Variants in ZNF699 observed in about 807,000 individuals in gnomAD.
The protein encoded by ZNF699 is zinc finger protein 699.
Under a neutral mutation model 22.5 loss-of-function variants are expected in ZNF699, and 18 were observed. The ratio of observed to expected loss-of-function variants is 0.80; its 90% CI spans 0.55 to 1.19. The LOEUF (loss-of-function observed/expected upper bound fraction) is 1.19. Among genes scored for constraint, ZNF699 ranks in the 50% most tolerant of loss-of-function variants. The pLI is 0.00. For synonymous variants in ZNF699, 241 were observed against 262.3 expected, an observed-to-expected ratio of 0.92 and a Z score of 0.78; for missense variants, 670 against 763.4, an observed-to-expected ratio of 0.88 and a Z score of 1.44.
chr19:9,302,314 A>C (rs1028118125), intron 3 of ZNF699, 64 bp downstream of exon 3: 1 of 1,589,994 alleles, frequency 6.3e-7, no homozygotes, highest in Non-Finnish European at 8.6e-7. Flanking sequence ...CCTAGAATAA[A>C]GTCAATTTAG....
Position 9,297,765 on chromosome 19 carries a change from A to T in ZNF699, c.286+115T>A. On this transcript the variant is annotated intron_variant, in intron 4 of 5. Transcript: ENST00000591998. The surrounding 1 kb of genome is among the most constrained non-coding windows in gnomAD (Gnocchi z 4.3). Reference sequence around the variant, plus strand: ...GGACTGATAAAAAGTCAAAATAGTCATCTGAGCTATCTGTGGAAGATGAGC... The same window carrying T: ...GGACTGATAAAAAGTCAAAATAGTCTTCTGAGCTATCTGTGGAAGATGAGC... 1 of 762,014 alleles carries T rather than the reference A, an allele frequency of 1.3e-6. No individual in the cohort carries two copies. Among genetic ancestry groups the T allele is most frequent in the Non-Finnish European group, 2.2e-6 (1 of 458,806 alleles). 47.2% of individuals were successfully genotyped at this position (762,014 alleles called of 1,614,324 possible). A position where few individuals can be genotyped will look rare whatever the true frequency, so the allele number is the denominator to read the frequency against.
intron 2 of ZNF699, among the ~76,000 whole-genome samples, chr19:9,303,943 G>A (rs981190936): frequency 2.0e-5 from 3 of 151,480 alleles, no homozygotes; most frequent in African/African-American, 4.9e-5. Flanking sequence ...TCAGCCTCCC[G>A]AGTAGCTGGG....
intron 3 of ZNF699, among the ~76,000 whole-genome samples, chr19:9,299,725 A>C (rs2144978233): frequency 6.6e-6 from 1 of 152,354 alleles, no homozygotes; most frequent in South Asian, 2.1e-4. Context: ...TGGAAAGATA[A>C]GCCACAGCCT....
Position 9,296,254 on chromosome 19 carries a change from T to C in ZNF699, c.1150A>G (p.Thr384Ala). The C allele has an allele frequency of 6.2e-7, 1 of 1,614,022 alleles. No homozygotes were observed. The change falls in exon 6 of 6, where the codon ACA becomes GCA. Residue 384 changes from threonine to alanine, a missense_variant. Transcript: ENST00000591998. ...TTATAGGGTTTCTCTCCAGTATGTGTCCTCCCATGTACAGTGAGTTTTGAG... is the reference window on the plus strand; with the variant it reads ...TTATAGGGTTTCTCTCCAGTATGTGCCCTCCCATGTACAGTGAGTTTTGAG... ...ESSKLTVHGRTHTGEKPYKCK... is the reference protein window; with the variant it reads ...ESSKLTVHGRAHTGEKPYKCK...
intron 1 of ZNF699, among the ~76,000 whole-genome samples, chr19:9,307,946 CAAA>C (rs747641771): frequency 1.5e-5 from 1 of 65,064 alleles, no homozygotes. Context: ...GACTCTGTCT[CAAA>C]AAAAAAAAAA....
At chr19:9,302,681 A>C (rs1487220488) in intron 2 of ZNF699, among the ~76,000 whole-genome samples, 177 bp from the exon 3 acceptor site, 2 of 152,188 alleles carry the variant, frequency 1.3e-5, no homozygotes, top group Admixed American at 6.5e-5. Flanking sequence ...TCCACACATA[A>C]TTCATCACTG....
In ZNF699 at chr19:9,293,758, T is replaced by C. The variant is rs780485614; in HGVS notation, c.*1717A>G. ...ATTGAAGATTAGCACACTTCATGCA[T>C]GTTAGTATATGTATAATAAAATAAA... On this transcript the variant is annotated 3_prime_UTR_variant, in exon 6 of 6. Coordinates refer to ENST00000591998, the MANE Select transcript of ZNF699 (RefSeq NM_198535.3). 6.6e-6 allele frequency among the ~76,000 whole-genome samples: 1 copy of C among 152,132 alleles called. No homozygotes were observed. Among genetic ancestry groups the C allele is most frequent in the Non-Finnish European group, 1.5e-5 (1 of 68,030 alleles).
At chr19:9,305,048 G>A in intron 2 of ZNF699, 24 bp downstream of exon 2, 1 of 1,593,248 alleles carries the variant, frequency 6.3e-7, no homozygotes, top group South Asian at 1.1e-5. Context: ...ATATTCTTTT[G>A]GACAATTATC....
chr19:9,297,149 G>T lies in ZNF699; in HGVS notation c.470+147C>A. 2.2e-6 allele frequency: 2 copies of T among 914,840 alleles called. No homozygotes were observed. Among genetic ancestry groups the T allele is most frequent in the Non-Finnish European group, 1.6e-6 (1 of 633,162 alleles). The allele number at this position is 914,840 out of a possible 1,614,324, so 56.7% of individuals were successfully genotyped here. On this transcript the variant is annotated intron_variant, in intron 5 of 5. Coordinates refer to ENST00000591998, the MANE Select transcript of ZNF699 (RefSeq NM_198535.3). The surrounding 1 kb of genome is among the most constrained non-coding windows in gnomAD (Gnocchi z 4.3). ...AACATTCAAAATCCCGGTCTCATTT[G>T]TGGAAAAAATTAACTCATGAAAATT...
Position 9,295,592 on chromosome 19 carries a change from C to G in ZNF699, c.1812G>C (p.Arg604Ser), listed in dbSNP as rs755047412. 2.3e-5 allele frequency: 37 copies of G among 1,592,150 alleles called. No individual in the cohort carries two copies. The highest frequency in any genetic ancestry group is 4.2e-5 in the African/African-American group (3 of 72,246). ...TCTCTCCAGTGTGGCTTCTCACATG[C>G]CTTCGAAAGGATGAGGGACAACTGA... ...KAFSCPSSFR[R>S]HVRSHTGEKP... Residue 604 changes from arginine to serine, a missense_variant, in exon 6 of 6, where the codon AGG (arginine) becomes AGC (serine). Coordinates refer to ENST00000591998, the MANE Select transcript of ZNF699 (RefSeq NM_198535.3).
intron 1 of ZNF699, among the ~76,000 whole-genome samples, chr19:9,309,136 CTTTTTT>C (rs61471638): frequency 9.5e-6 from 1 of 104,838 alleles, no homozygotes; most frequent in Non-Finnish European, 1.9e-5. Context: ...TTTTATTTTA[CTTTTTT>C]TTTTTTTTTT....
Position 9,293,249 on chromosome 19 carries a change from A to G in ZNF699, c.*2226T>C, listed in dbSNP as rs2066272568. On this transcript the variant is annotated 3_prime_UTR_variant, in exon 6 of 6. Transcript: ENST00000591998. The stretch of plus-strand genomic sequence containing the variant: ...CGAAAAGTACTCGAAATCATTACAC[A>G]TCAGGTAAATGCACACTGTCTGCTG... Among the ~76,000 whole-genome samples, 5 of 152,280 alleles carry G rather than the reference A, an allele frequency of 3.3e-5. 1 individual carries two copies. The South Asian group carries it at 1.0e-3, about 32-fold the overall frequency.
chr19:9,297,439 T>C lies in ZNF699; in HGVS notation c.327A>G (p.Ser109=). The C allele has an allele frequency of 6.3e-7, 1 of 1,588,014 alleles. No individual in the cohort carries two copies. The highest frequency in any genetic ancestry group is 8.5e-7 in the Non-Finnish European group (1 of 1,174,298). ...ATATTTTTTCTCCACAAATATCTTG[T>C]GAAGCAACTGATTCATTAGTTTTAA... ...TQLKTNESVA[S]QDICGEKISN... is the part of the protein sequence containing the mutation. The change falls in exon 5 of 6, where the codon TCA becomes TCG. Residue 109 remains serine, a synonymous_variant. Coordinates refer to ENST00000591998, the MANE Select transcript of ZNF699 (RefSeq NM_198535.3). The surrounding 1 kb of genome is among the most constrained non-coding windows in gnomAD (Gnocchi z 4.3).
At chr19:9,309,010 CTTTT>C (rs2066337432) in intron 1 of ZNF699, among the ~76,000 whole-genome samples, 1 of 151,922 alleles carries the variant, frequency 6.6e-6, no homozygotes, top group Admixed American at 6.6e-5. Flanking sequence ...CAAATACTAT[CTTTT>C]TGTTTTTTTG....
chr19:9,296,570 G>A lies in ZNF699; in HGVS notation c.834C>T (p.Asn278=), dbSNP rs768951000. The A allele has an allele frequency of 5.6e-6, 9 of 1,614,190 alleles. No homozygotes were observed. In the South Asian group the frequency reaches 8.8e-5, roughly 16 times the overall value. ...CTTTCCCACATTCTTTACATTCATA[G>A]TTTGTCTTTCCGATGTGAATCTTCA... The part of the protein sequence containing the change: ...AHMKIHIGKT[N]YECKECGKGF... Residue 278 remains asparagine (N), a synonymous_variant, in exon 6 of 6, where the codon AAC becomes AAT. Coordinates refer to ENST00000591998, the MANE Select transcript of ZNF699 (RefSeq NM_198535.3).
rs1219659709 is a variant in ZNF699, at chr19:9,307,709, G to A, written c.-6+1641C>T. ...CACACCTGTAATCCCAGCACTTTGG[G>A]AGGCCAAGGTGGGTGGATCACAAGG... On this transcript the variant is annotated intron_variant, in intron 1 of 5. Coordinates refer to ENST00000591998, the MANE Select transcript of ZNF699 (RefSeq NM_198535.3). Among the ~76,000 whole-genome samples, 3 of 152,110 alleles carry A rather than the reference G, an allele frequency of 2.0e-5. No homozygotes were observed. The East Asian group carries it at 5.8e-4, about 29-fold the overall frequency.
intron 2 of ZNF699, among the ~76,000 whole-genome samples, chr19:9,303,873 A>G (rs1028032679): frequency 2.7e-5 from 4 of 150,788 alleles, no homozygotes; most frequent in Non-Finnish European, 4.4e-5. Flanking sequence ...GCTGGAGTGC[A>G]GTGGCGCGAT....
intron 1 of ZNF699, among the ~76,000 whole-genome samples, chr19:9,306,846 T>C (rs1397445256): frequency 1.3e-5 from 2 of 152,200 alleles, no homozygotes; most frequent in African/African-American, 4.8e-5. Flanking sequence ...ATTCCCTAGT[T>C]TTACCAGGAT....
Position 9,297,837 on chromosome 19 carries a change from A to AT in ZNF699, c.286+42dup. ...TGTTTTTGTTTTTTACTTTAAGTTT[A>AT]TTTTTTCCCCCAACCAAAACAGTTT... On this transcript the variant is annotated intron_variant, in intron 4 of 5. Transcript: ENST00000591998. The surrounding 1 kb of genome is among the most constrained non-coding windows in gnomAD (Gnocchi z 4.3). 1 of 1,488,236 alleles carries AT rather than the reference A, an allele frequency of 6.7e-7. No individual in the cohort carries two copies. The highest frequency in any genetic ancestry group is 9.3e-7 in the Non-Finnish European group (1 of 1,071,016). The allele number at this position is 1,488,236 out of a possible 1,614,324, so 92.2% of individuals were successfully genotyped here. A position where few individuals can be genotyped will look rare whatever the true frequency, so the allele number is the denominator to read the frequency against.
Sources: gnomAD v4.1 joint callset for allele counts (sites outside exome capture counted in the v4.1 genomes callset) on GRCh38, gnomAD v4.1.1 for gene constraint, Gnocchi (gnomAD v3.1) non-coding constraint, MANE v1.5 for transcripts, NCBI Gene and HGNC (gene_info 2026-07-23, HGNC 2026-07-21) for gene names.